Variants in QRICH1 observed in about 807,000 individuals in gnomAD.
QRICH1 encodes transcriptional regulator QRICH1.
Under a neutral mutation model 87.1 loss-of-function variants are expected in QRICH1, and 16 were observed. That is an observed-to-expected ratio of 0.18 (90% CI 0.12 to 0.28). The LOEUF (loss-of-function observed/expected upper bound fraction) is 0.28. Ranked by LOEUF, QRICH1 falls within the 10% of genes least tolerant of loss-of-function variation. The pLI, the probability that QRICH1 is intolerant of heterozygous loss-of-function variation, is 1.00. For synonymous variants in QRICH1, 367 were observed against 368.4 expected, an observed-to-expected ratio of 1.00 and a Z score of 0.05; for missense variants, 647 against 951.7, an observed-to-expected ratio of 0.68 and a Z score of 4.21.
At chr3:49,053,568 C>A (rs1396506276) in intron 3 of QRICH1, among the ~76,000 whole-genome samples, 1 of 150,972 alleles carries the variant, frequency 6.6e-6, no homozygotes, top group East Asian at 1.9e-4. Flanking sequence ...ACTTGCTGGT[C>A]TGAACTGGCT....
chr3:49,058,027 A>G (rs1575349755), intron 2 of QRICH1, 137 bp from the exon 3 acceptor site: 5 of 1,456,734 alleles, frequency 3.4e-6, no homozygotes, highest in East Asian at 4.8e-5. Context: ...GGCTTCTGAG[A>G]AGGACACAAT....
At chr3:49,056,311 C>T (rs2093402211) in intron 3 of QRICH1, among the ~76,000 whole-genome samples, 1 of 152,134 alleles carries the variant, frequency 6.6e-6, no homozygotes, top group South Asian at 2.1e-4. Flanking sequence ...GGTCCCACCA[C>T]ATAGACGGCA....
chr3:49,034,648 C>G (rs920101945), intron 6 of QRICH1, among the ~76,000 whole-genome samples: 6 of 151,766 alleles, frequency 4.0e-5, no homozygotes, highest in Admixed American at 1.3e-4. Flanking sequence ...AGATCCCCCC[C>G]ACAGGGCTGG....
At chr3:49,072,485 C>T (rs918953884) in intron 2 of QRICH1, among the ~76,000 whole-genome samples, 3 of 150,586 alleles carry the variant, frequency 2.0e-5, no homozygotes, top group Admixed American at 6.6e-5. Context: ...AAGATCATAC[C>T]GCTGCACTCC....
rs1049306858 is a variant in QRICH1 at position 49,032,573 on chromosome 3, G to T, written c.2047+49C>A. Reference sequence around the variant, plus strand: ...CCTCACAGGCACAAGGGCAGGACAGGGCAGGACAAGTAGCACCTGTTTTTG... The same window carrying T: ...CCTCACAGGCACAAGGGCAGGACAGTGCAGGACAAGTAGCACCTGTTTTTG... On this transcript the variant is annotated intron_variant, in intron 8 of 9. Transcript: ENST00000395443. 10 of 1,517,804 alleles carry T rather than the reference G, an allele frequency of 6.6e-6. No individual in the cohort carries two copies. In the African/African-American group the frequency reaches 1.4e-4, roughly 21 times the overall value. 94.0% of individuals were successfully genotyped at this position (1,517,804 alleles called of 1,614,324 possible). A position where few individuals can be genotyped will look rare whatever the true frequency, so the allele number is the denominator to read the frequency against.
chr3:49,070,990 T>TA (rs2093497145), intron 2 of QRICH1, among the ~76,000 whole-genome samples: 1 of 151,992 alleles, frequency 6.6e-6, no homozygotes, highest in East Asian at 1.9e-4. Context: ...CTGCAACCTC[T>TA]ACCTTCCAAG....
At chr3:49,083,737 C>T (rs1381329948) in intron 1 of QRICH1, among the ~76,000 whole-genome samples, 1 of 151,580 alleles carries the variant, frequency 6.6e-6, no homozygotes, top group Non-Finnish European at 1.5e-5. Context: ...CACTGCACTC[C>T]AGCTTGGGTG....
intron 1 of QRICH1, among the ~76,000 whole-genome samples, chr3:49,085,217 C>G (rs2042146268): frequency 6.6e-6 from 1 of 152,018 alleles, no homozygotes. Context: ...TCTGGCTGAT[C>G]ATAGTATGAT....
At chr3:49,032,573 G>C in intron 8 of QRICH1, 49 bp downstream of exon 8, 1 of 1,517,922 alleles carries the variant, frequency 6.6e-7, no homozygotes, top group African/African-American at 1.4e-5. Flanking sequence ...GGCAGGACAG[G>C]GCAGGACAAG....
intron 3 of QRICH1, among the ~76,000 whole-genome samples, chr3:49,050,639 A>G (rs2093365099): frequency 6.6e-6 from 1 of 152,052 alleles, no homozygotes; most frequent in Non-Finnish European, 1.5e-5. Context: ...TGTGAAGAAA[A>G]TCTTTGGCAT....
intron 2 of QRICH1, among the ~76,000 whole-genome samples, chr3:49,070,337 C>T (rs2093493764): frequency 6.6e-6 from 1 of 152,100 alleles, no homozygotes; most frequent in Admixed American, 6.6e-5. Flanking sequence ...CACGCCTGGC[C>T]TTTCATCACC....
intron 1 of QRICH1, among the ~76,000 whole-genome samples, chr3:49,086,027 C>A (rs2042160772): frequency 6.6e-6 from 1 of 151,662 alleles, no homozygotes; most frequent in Non-Finnish European, 1.5e-5. Context: ...TTCTGGGACT[C>A]TGATGAGACT....
intron 1 of QRICH1, among the ~76,000 whole-genome samples, chr3:49,087,355 C>T (rs2107038943): frequency 6.6e-6 from 1 of 152,024 alleles, no homozygotes; most frequent in Admixed American, 6.6e-5. Context: ...AGTTTGAGAC[C>T]AGCCTAGCTA....
chr3:49,032,147 C>T (rs201524172), intron 9 of QRICH1, 36 bp downstream of exon 9: 260 of 1,497,214 alleles, frequency 1.7e-4, no homozygotes, highest in Non-Finnish European at 2.3e-4. Context: ...CACACACATG[C>T]GCACACATGG....
chr3:49,040,243 T>A (rs1269161011), intron 6 of QRICH1, among the ~76,000 whole-genome samples: 1 of 152,248 alleles, frequency 6.6e-6, no homozygotes, highest in African/African-American at 2.4e-5. Flanking sequence ...GTCACTCATG[T>A]CTCTGTTCCA....
In QRICH1 at chr3:49,032,752, C is replaced by T. The variant is rs373961283; in HGVS notation, c.1917G>A (p.Val639=). The T allele has an allele frequency of 5.0e-6, 8 of 1,606,916 alleles. No individual in the cohort carries two copies. Among genetic ancestry groups the T allele is most frequent in the Non-Finnish European group, 6.8e-6 (8 of 1,178,040 alleles). ...FNTKYFLLKT[V]DQHMKLAFSK... ...AGAAGGCCAGCTTCATGTGCTGGTC[C>T]ACTGTCTTCAATAGGAAGTACCTGG... Residue 639 remains valine (V), a synonymous_variant, in exon 8 of 10, where the codon GTG becomes GTA. Transcript: ENST00000395443.
intron 5 of QRICH1, 42 bp downstream of exon 5, chr3:49,046,383 G>C: frequency 1.9e-6 from 3 of 1,572,214 alleles, no homozygotes; most frequent in Non-Finnish European, 2.6e-6. Flanking sequence ...CATCCAATAG[G>C]AACACAGCTC....
chr3:49,075,654 A>C (rs949270346), intron 2 of QRICH1, among the ~76,000 whole-genome samples: 38 of 150,192 alleles, frequency 2.5e-4, no homozygotes, highest in Non-Finnish European at 3.6e-4. Context: ...AACAAACAAA[A>C]AAAAGGCTGG....
Position 49,030,439 on chromosome 3 carries a change from T to C in QRICH1, c.*13A>G, listed in dbSNP as rs2093228486. ...TTCCTGGCTGGTTTCTCTTGTGCCATGGCCAAGGCATCTCAGTGCATAGTG... is the reference window on the plus strand; with the variant it reads ...TTCCTGGCTGGTTTCTCTTGTGCCACGGCCAAGGCATCTCAGTGCATAGTG... On this transcript the variant is annotated 3_prime_UTR_variant, in exon 10 of 10. Transcript: ENST00000395443. 1.9e-6 allele frequency: 3 copies of C among 1,611,250 alleles called. No homozygotes were observed. Among genetic ancestry groups the C allele is most frequent in the East Asian group, 2.2e-5 (1 of 44,798 alleles).
Sources: gnomAD v4.1 joint callset for allele counts (sites outside exome capture counted in the v4.1 genomes callset) on GRCh38, gnomAD v4.1.1 for gene constraint, MANE v1.5 for transcripts, NCBI Gene and HGNC (gene_info 2026-07-23, HGNC 2026-07-21) for gene names.